SHANK1: variants seen among roughly 807,000 people sequenced by gnomAD.
The protein encoded by SHANK1 is SH3 and multiple ankyrin repeat domains 1.
In SHANK1, 35 loss-of-function variants were observed where a neutral mutation model predicts 165.6. That is an observed-to-expected ratio of 0.21 (90% CI 0.16 to 0.28). The LOEUF is 0.28. Ranked by LOEUF, SHANK1 falls within the 10% of genes least tolerant of loss-of-function variation. The pLI is 1.00. For missense variants in SHANK1, 2,681 were observed against 3,036.4 expected, an observed-to-expected ratio of 0.88 and a Z score of 2.75; for synonymous variants, 1,428 against 1,384.8, an observed-to-expected ratio of 1.03 and a Z score of -0.69.
rs766953460 is a variant in SHANK1, at chr19:50,666,476, C to T, written c.5484G>A (p.Pro1828=). ...GCTTCCGGGGCAGAGAGGAGGCCGT[C>T]GGCAAGGGCACCGGTGGGACTTCTG... is the stretch of plus-strand genomic sequence containing the variant. ...VEPEVPPVPL[P]TASSLPRKLL... Residue 1828 remains proline (P), a synonymous_variant, in exon 23 of 24, where the codon CCG becomes CCA. Coordinates refer to ENST00000293441, the MANE Select transcript of SHANK1 (RefSeq NM_016148.5). The T allele has an allele frequency of 2.2e-5, 36 of 1,601,028 alleles. No homozygotes were observed. The highest frequency in any genetic ancestry group is 1.2e-4 in the South Asian group (11 of 89,884).
In SHANK1 at chr19:50,707,869, T is replaced by C. The variant is rs114432408; in HGVS notation, c.1078-3355A>G. On this transcript the variant is annotated intron_variant, in intron 8 of 23. Transcript: ENST00000293441. ...CTGTTAACTCCTGCCATGTGTACTT[T>C]TGCGTGTTTTTCTTTTCTTTTCTTT... Among the ~76,000 whole-genome samples the C allele has an allele frequency of 3.4e-3, 505 of 148,060 alleles. 4 individuals are homozygous for C. Among genetic ancestry groups the C allele is most frequent in the African/African-American group, 0.012 (486 of 40,694 alleles).
rs925773723 is a variant in SHANK1, at chr19:50,709,556, A to AT, written c.1077+1814dup. 2.1e-3 allele frequency among the ~76,000 whole-genome samples: 301 copies of AT among 145,866 alleles called. 2 individuals carry two copies. The highest frequency in any genetic ancestry group is 0.018 in the East Asian group (87 of 4,936). On this transcript the variant is annotated intron_variant, in intron 8 of 23. Transcript: ENST00000293441. ...AAACTCTGCCTGCTGTCTAATTCTA[A>AT]TTTTTTTTTTTAAGGCAGGGTCTCA...
chr19:50,701,699 C>T (rs917748484), intron 12 of SHANK1, among the ~76,000 whole-genome samples: 6 of 152,270 alleles, frequency 3.9e-5, no homozygotes, highest in Admixed American at 2.0e-4. Context: ...ACCTCTATAC[C>T]GCTCAGCTCC....
In SHANK1 at chr19:50,667,117, G is replaced by A. The variant is rs559286993; in HGVS notation, c.4843C>T (p.Pro1615Ser). Residue 1615 changes from proline to serine, a missense_variant, in exon 23 of 24, where the codon CCC becomes TCC. Physicochemically the swap from Pro to Ser is moderately conservative, Grantham distance 74. This residue lies in a region of SHANK1 where 1,713 missense variants were observed against 1,630.2 expected (regional missense o/e 1.05). Transcript: ENST00000293441. The surrounding 1 kb of genome is among the most constrained non-coding windows in gnomAD (Gnocchi z 5.7). ...CTGGATGCGGTGGAGTCCAGGGTGGGAGGGGCTGCGGCCACAGCCGGGGGT... is the reference window on the plus strand; with the variant it reads ...CTGGATGCGGTGGAGTCCAGGGTGGAAGGGGCTGCGGCCACAGCCGGGGGT... Reference protein sequence around the residue: ...VPPPAVAAAPPTLDSTASSLT... With the variant: ...VPPPAVAAAPSTLDSTASSLT... The A allele has an allele frequency of 2.6e-5, 41 of 1,556,908 alleles. No homozygotes were observed. In the African/African-American group the frequency reaches 5.4e-4, roughly 20 times the overall value.
intron 21 of SHANK1, among the ~76,000 whole-genome samples, chr19:50,672,572 A>G (rs536122291): frequency 7.9e-5 from 12 of 151,224 alleles, no homozygotes; most frequent in African/African-American, 1.9e-4. Flanking sequence ...AAAAAAAAAA[A>G]AAAAAAAAGA....
At chr19:50,663,944 T>TTTC (rs1308027710) in intron 23 of SHANK1, among the ~76,000 whole-genome samples, 1 of 145,128 alleles carries the variant, frequency 6.9e-6, no homozygotes, top group Non-Finnish European at 1.5e-5. Context: ...CTCTCTCTTT[T>TTTC]TTTTTTTTTT....
chr19:50,662,448 G>A lies in SHANK1; in HGVS notation c.6003C>T (p.Pro2001=). 1 of 1,551,198 alleles carries A rather than the reference G, an allele frequency of 6.4e-7. No homozygotes were observed. The stretch of plus-strand genomic sequence containing the variant: ...TGTGCTCCGAGGCGGGCAGCAGCGA[G>A]GGGCTGGGGGCCCGGCGGAGCAGAG... ...RPPLLRRAPS[P]SLLPASEHKV... Residue 2001 remains proline, a synonymous_variant, in exon 24 of 24, where the codon CCC becomes CCT. Coordinates refer to ENST00000293441, the MANE Select transcript of SHANK1 (RefSeq NM_016148.5). This position sits in a 1 kb window ranked among gnomAD's most constrained non-coding sequence, Gnocchi z 7.7.
intron 15 of SHANK1, 101 bp downstream of exon 15, chr19:50,696,995 A>C (rs1986761802): frequency 7.1e-6 from 7 of 979,752 alleles, no homozygotes; most frequent in Non-Finnish European, 1.2e-5. Context: ...TTCACACACC[A>C]AGAAACCTCA....
rs1986503184 is a variant in SHANK1, at chr19:50,690,378, A to G, written c.1965-1099T>C. Among the ~76,000 whole-genome samples the G allele has an allele frequency of 6.6e-6, 1 of 152,038 alleles. No homozygotes were observed. Among genetic ancestry groups the G allele is most frequent in the South Asian group, 2.1e-4 (1 of 4,820 alleles). On this transcript the variant is annotated intron_variant, in intron 15 of 23. Transcript: ENST00000293441. The surrounding 1 kb of genome is among the most constrained non-coding windows in gnomAD (Gnocchi z 4.9). ...ACCACTGTACACCTCAGGAATATAC[A>G]TCCATTCCATTCCCAGAGGATCCGA...
chr19:50,686,666 G>T lies in SHANK1; in HGVS notation c.2458+78C>A. The T allele has an allele frequency of 7.3e-7, 1 of 1,379,014 alleles. No homozygotes were observed. The highest frequency in any genetic ancestry group is 1.0e-6 in the Non-Finnish European group (1 of 977,448). 85.4% of individuals were successfully genotyped at this position (1,379,014 alleles called of 1,614,324 possible). ...GCAGGAAGGTGAGGGGCGCCGTGGG[G>T]TTCATGGTGGGACAGGGATGCAGCG... On this transcript the variant is annotated intron_variant, in intron 20 of 23. Transcript: ENST00000293441. This position sits in a 1 kb window ranked among gnomAD's most constrained non-coding sequence, Gnocchi z 5.7.
chr19:50,671,983 C>T, intron 22 of SHANK1, 35 bp downstream of exon 22: 1 of 1,521,506 alleles, frequency 6.6e-7, no homozygotes, highest in South Asian at 1.1e-5. Flanking sequence ...CCTGGCCTCC[C>T]CCAGCCCCCA....
intron 15 of SHANK1, among the ~76,000 whole-genome samples, chr19:50,692,648 C>G (rs933362546): frequency 2.6e-5 from 4 of 151,610 alleles, no homozygotes; most frequent in Non-Finnish European, 4.4e-5. Flanking sequence ...GTGTTGCCCT[C>G]ATCCCACCAC....
chr19:50,692,679 C>T (rs144724875), intron 15 of SHANK1, among the ~76,000 whole-genome samples: 2,447 of 151,774 alleles, frequency 0.016, 29 homozygotes, highest in Admixed American at 0.023. Flanking sequence ...AACTTCCCAA[C>T]TGCTCTCTTG....
Position 50,702,555 on chromosome 19 carries a change from C to T in SHANK1, c.1659G>A (p.Ala553=), listed in dbSNP as rs756939026. The T allele has an allele frequency of 7.8e-5, 126 of 1,612,948 alleles. 1 individual carries two copies. Among genetic ancestry groups the T allele is most frequent in the East Asian group, 7.4e-4 (33 of 44,854 alleles). ...SRGRRRKLYS[A]VPGRSFMAVK... ...CAGCCATGAAGGAGCGTCCGGGTAC[C>T]GCTGAGTAGAGCTTCCTCCGCCTCC... Residue 553 remains alanine, a synonymous_variant, in exon 12 of 24, where the codon GCG becomes GCA. Coordinates refer to ENST00000293441, the MANE Select transcript of SHANK1 (RefSeq NM_016148.5). This position sits in a 1 kb window ranked among gnomAD's most constrained non-coding sequence, Gnocchi z 5.3.
chr19:50,668,361 G>A lies in SHANK1; in HGVS notation c.3599C>T (p.Pro1200Leu). The A allele has an allele frequency of 7.9e-7, 1 of 1,264,058 alleles. No individual in the cohort carries two copies. The highest frequency in any genetic ancestry group is 9.9e-7 in the Non-Finnish European group (1 of 1,005,290). The allele number at this position is 1,264,058 out of a possible 1,614,324, so 78.3% of individuals were successfully genotyped here. ...GGGCACGGGTGACATGGCCGGGGCG[G>A]GGCTGGGCGAGGAGCCGCCGCCGCC... ...GGGGGGSSPSPAPAMSPVPPS... is the reference protein window; with the variant it reads ...GGGGGGSSPSLAPAMSPVPPS... Residue 1200 changes from proline to leucine, a missense_variant, in exon 23 of 24, where the codon CCC becomes CTC. Physicochemically the swap from Pro to Leu is moderately conservative, Grantham distance 98. Around this residue, in one of 10 missense-constraint regions of SHANK1, gnomAD observed 1,713 missense variants for 1,630.2 expected, o/e 1.05. Coordinates refer to ENST00000293441, the MANE Select transcript of SHANK1 (RefSeq NM_016148.5).
chr19:50,663,282 CAG>C (rs36069296), intron 23 of SHANK1: 13 of 152,796 alleles, frequency 8.5e-5, no homozygotes, highest in South Asian at 2.0e-4. Context: ...ACAGGGGACA[CAG>C]AGAGAGAGAG....
intron 21 of SHANK1, among the ~76,000 whole-genome samples, chr19:50,685,030 G>C (rs915821323): frequency 7.2e-5 from 11 of 152,196 alleles, no homozygotes; most frequent in African/African-American, 2.4e-4. Context: ...AAAAGCCAAA[G>C]GACCCAGTTT....
intron 21 of SHANK1, among the ~76,000 whole-genome samples, chr19:50,680,264 A>C (rs939852339): frequency 1.3e-5 from 2 of 152,054 alleles, no homozygotes; most frequent in Non-Finnish European, 2.9e-5. Context: ...GGCGATGGGA[A>C]GCATGGGAAG....
intron 23 of SHANK1, among the ~76,000 whole-genome samples, chr19:50,665,191 C>T (rs1985428036): frequency 6.6e-6 from 1 of 152,128 alleles, no homozygotes; most frequent in Non-Finnish European, 1.5e-5. Context: ...TTTGGGAGGT[C>T]AAGGCAGGAG....
Sources: gnomAD v4.1 joint callset for allele counts (sites outside exome capture counted in the v4.1 genomes callset) on GRCh38, gnomAD v4.1.1 for gene constraint, gnomAD v4.1.1 regional missense constraint, Gnocchi (gnomAD v3.1) non-coding constraint, MANE v1.5 for transcripts, NCBI Gene and HGNC (gene_info 2026-07-23, HGNC 2026-07-21) for gene names.